Variants in MYH9 observed in about 807,000 individuals in gnomAD.
MYH9 encodes the protein myosin heavy chain 9, also known as myosin-9.
Under a neutral mutation model 241.9 loss-of-function variants are expected in MYH9, and 29 were observed. The observed-to-expected ratio is 0.12, with a 90% CI of 0.09 to 0.16. The LOEUF is 0.16. MYH9 is among the 10% of genes least tolerant of loss of function. The probability of loss-of-function intolerance (pLI) is 1.00; values close to 1 mark genes in which losing one functional copy is unlikely to be tolerated. For synonymous variants in MYH9, 1,047 were observed against 1,062.6 expected (o/e 0.99, Z 0.29); for missense variants, 1,803 against 2,595.5 (o/e 0.69, Z 6.63).
At chr22:36,375,801 T>C (rs2018157255) in intron 1 of MYH9, among the ~76,000 whole-genome samples, 1 of 152,094 alleles carries the variant, frequency 6.6e-6, no homozygotes. Context: ...GGTGGGAGGA[T>C]CACCTGAGGC....
intron 1 of MYH9, among the ~76,000 whole-genome samples, chr22:36,353,895 G>C (rs1185717012): frequency 6.6e-6 from 1 of 151,940 alleles, no homozygotes; most frequent in Non-Finnish European, 1.5e-5. Flanking sequence ...TGTAGGGCTA[G>C]GATTTGCTTG....
intron 3 of MYH9, among the ~76,000 whole-genome samples, chr22:36,332,549 T>C (rs1040354690): frequency 2.7e-5 from 4 of 150,038 alleles, no homozygotes; most frequent in African/African-American, 7.4e-5. Context: ...CTCTGCCCCA[T>C]AGCCCCTGTG....
intron 4 of MYH9, 116 bp downstream of exon 4, chr22:36,327,345 C>A: frequency 8.4e-7 from 1 of 1,189,168 alleles, no homozygotes; most frequent in Non-Finnish European, 1.2e-6. Context: ...GGAGGAGGGG[C>A]CTTGAATTGG....
At position 36,312,506 on chromosome 22, in the gene MYH9, G is replaced by A. The variant is rs147365408; in HGVS notation, c.1555-284C>T. 3.3e-3 allele frequency among the ~76,000 whole-genome samples: 506 copies of A among 152,328 alleles called. 1 individual carries two copies. Among genetic ancestry groups the A allele is most frequent in the African/African-American group, 0.011 (476 of 41,576 alleles). On this transcript the variant is annotated intron_variant, in intron 13 of 40. Coordinates refer to ENST00000216181, the MANE Select transcript of MYH9 (RefSeq NM_002473.6). ...GAAAAGTGCACATCCGCTGACCCGC[G>A]GGGCCAGAGTCTGACTTCACAGTGC...
In MYH9 at chr22:36,312,505, C is replaced by T. The variant is rs547028028; in HGVS notation, c.1555-283G>A. ...TGAAAAGTGCACATCCGCTGACCCGCGGGGCCAGAGTCTGACTTCACAGTG... is the reference window on the plus strand; with the variant it reads ...TGAAAAGTGCACATCCGCTGACCCGTGGGGCCAGAGTCTGACTTCACAGTG... On this transcript the variant is annotated intron_variant, in intron 13 of 40. Coordinates refer to ENST00000216181, the MANE Select transcript of MYH9 (RefSeq NM_002473.6). Among the ~76,000 whole-genome samples, 137 of 152,348 alleles carry T rather than the reference C, an allele frequency of 9.0e-4. 2 individuals carry two copies. The South Asian group carries it at 0.025, about 27-fold the overall frequency.
intron 3 of MYH9, chr22:36,328,927 G>A (rs1471385952): frequency 7.9e-5 from 12 of 152,372 alleles, no homozygotes; most frequent in Non-Finnish European, 1.5e-5. Context: ...CGACCAGCTA[G>A]GCTGCCTGCC....
At chr22:36,365,341 C>A (rs2017995072) in intron 1 of MYH9, among the ~76,000 whole-genome samples, 1 of 152,238 alleles carries the variant, frequency 6.6e-6, no homozygotes, top group Admixed American at 6.5e-5. Context: ...CCCTTTACAG[C>A]CCTGGCTGAA....
intron 13 of MYH9, among the ~76,000 whole-genome samples, chr22:36,312,814 A>G (rs1448152609): frequency 6.6e-6 from 1 of 152,212 alleles, no homozygotes; most frequent in Non-Finnish European, 1.5e-5. Flanking sequence ...GCTCATTACA[A>G]AAGTAAATTT....
At chr22:36,350,674 T>C (rs772574787) in intron 1 of MYH9, among the ~76,000 whole-genome samples, 5 of 152,280 alleles carry the variant, frequency 3.3e-5, no homozygotes, top group Admixed American at 6.5e-5. Context: ...TATATATTAT[T>C]ACCACCAATT....
At position 36,291,166 on chromosome 22, in the gene MYH9, C is replaced by T. The variant is rs1338335471; in HGVS notation, c.4344+820G>A. On this transcript the variant is annotated intron_variant, in intron 31 of 40. Coordinates refer to ENST00000216181, the MANE Select transcript of MYH9 (RefSeq NM_002473.6). ...GAGCCCCTCTGCCAGGCCACCACCCCGTCTGGGAGGTGTACCCAACAGCTC... is the reference window on the plus strand; with the variant it reads ...GAGCCCCTCTGCCAGGCCACCACCCTGTCTGGGAGGTGTACCCAACAGCTC... 3.9e-5 allele frequency among the ~76,000 whole-genome samples: 6 copies of T among 152,146 alleles called. No homozygotes were observed. In the South Asian group the frequency reaches 6.2e-4, roughly 16 times the overall value.
rs779024392 is a variant in MYH9, at chr22:36,296,998, C to G, written c.3117G>C (p.Glu1039Asp). 2.5e-6 allele frequency: 4 copies of G among 1,613,982 alleles called. No homozygotes were observed. The Admixed American group carries it at 6.7e-5, about 27-fold the overall frequency. Reference sequence around the variant, plus strand: ...TCTCCAGCTCCTGTCGCTGCTTCTCCTCCCTGCGGAGGCGCTCTGCAATGC... The same window carrying G: ...TCTCCAGCTCCTGTCGCTGCTTCTCGTCCCTGCGGAGGCGCTCTGCAATGC... Reference protein sequence around the residue: ...ITDLEERLRREEKQRQELEKT... With the variant: ...ITDLEERLRRDEKQRQELEKT... Residue 1039 changes from glutamate (E) to aspartate (D), a missense_variant, in exon 25 of 41, where the codon GAG (glutamate) becomes GAC (aspartate). Glu to Asp is a conservative substitution (Grantham distance 45). Coordinates refer to ENST00000216181, the MANE Select transcript of MYH9 (RefSeq NM_002473.6).
At position 36,305,023 on chromosome 22, in the gene MYH9, C is replaced by G. The variant is rs1031945497; in HGVS notation, c.2229+10G>C. 1.9e-6 allele frequency: 3 copies of G among 1,613,410 alleles called. No homozygotes were observed. In the African/African-American group the frequency reaches 4.0e-5, roughly 22 times the overall value. ...CCATCCAGAGAGGCAGGGACAGCAG[C>G]TCAACTCACCATGAGCACGCACGCC... On this transcript the variant is annotated intron_variant, in intron 18 of 40. Transcript: ENST00000216181. The surrounding 1 kb of genome is among the most constrained non-coding windows in gnomAD (Gnocchi z 4.7).
rs755132791 is a variant in MYH9, at chr22:36,305,288, AGGAAGCCTT to A, written c.2160-195_2160-187del. On this transcript the variant is annotated intron_variant, in intron 17 of 40. Transcript: ENST00000216181. The surrounding 1 kb of genome is among the most constrained non-coding windows in gnomAD (Gnocchi z 4.7). ...CTCTTTTCTTCGGCTGAATGAGACAAGGAAGCCTTGGTGTTTTCCGGAAAGTGAATGGAA... is the reference window on the plus strand; with the variant it reads ...CTCTTTTCTTCGGCTGAATGAGACAAGGTGTTTTCCGGAAAGTGAATGGAA... Among the ~76,000 whole-genome samples, 8 of 152,228 alleles carry A rather than the reference AGGAAGCCTT, an allele frequency of 5.3e-5. No homozygotes were observed. Among genetic ancestry groups the A allele is most frequent in the Non-Finnish European group, 1.2e-4 (8 of 68,040 alleles).
chr22:36,301,570 C>G lies in MYH9; in HGVS notation c.2595G>C (p.Glu865Asp). The G allele has an allele frequency of 6.2e-7, 1 of 1,613,968 alleles. No homozygotes were observed. The highest frequency in any genetic ancestry group is 8.5e-7 in the Non-Finnish European group (1 of 1,180,044). Residue 865 changes from glutamate (E) to aspartate (D), a missense_variant, in exon 21 of 41, where the codon GAG becomes GAC. Glu to Asp is a conservative substitution (Grantham distance 45). Transcript: ENST00000216181. Reference sequence around the variant, plus strand: ...GCGTCTCCATCTCCGTGAGCCTGTTCTCCGCAGCCAGCTGCTTCTCTCTGA... The same window carrying G: ...GCGTCTCCATCTCCGTGAGCCTGTTGTCCGCAGCCAGCTGCTTCTCTCTGA... ...VKVREKQLAA[E>D]NRLTEMETLQ... is the part of the protein sequence containing the mutation.
rs909843012 is a variant in MYH9 at position 36,306,743 on chromosome 22, T to C, written c.1844-136A>G. 8 of 930,054 alleles carry C rather than the reference T, an allele frequency of 8.6e-6. No homozygotes were observed. Among genetic ancestry groups the C allele is most frequent in the Non-Finnish European group, 1.2e-5 (7 of 596,644 alleles). 57.6% of individuals were successfully genotyped at this position (930,054 alleles called of 1,614,324 possible). On this transcript the variant is annotated intron_variant, in intron 15 of 40. Coordinates refer to ENST00000216181, the MANE Select transcript of MYH9 (RefSeq NM_002473.6). The surrounding 1 kb of genome is among the most constrained non-coding windows in gnomAD (Gnocchi z 4.1). ...AATGAAACAACAGGACCCTTTCCAA[T>C]TGGAGCCTACACTGGGTGCTAAGGT...
intron 7 of MYH9, among the ~76,000 whole-genome samples, chr22:36,321,185 T>G (rs1365686648): frequency 6.6e-6 from 1 of 152,180 alleles, no homozygotes; most frequent in Non-Finnish European, 1.5e-5. Context: ...CCTCAGGTGA[T>G]CCACCCACCT....
chr22:36,386,355 C>A (rs983384680), intron 1 of MYH9, among the ~76,000 whole-genome samples: 36 of 152,268 alleles, frequency 2.4e-4, no homozygotes, highest in African/African-American at 8.4e-4. Flanking sequence ...CCACACATAG[C>A]AGCCTTGTAT....
Position 36,322,451 on chromosome 22 carries a change from T to C in MYH9, c.683A>G (p.Lys228Arg), listed in dbSNP as rs772134801. 1 of 1,613,950 alleles carries C rather than the reference T, an allele frequency of 6.2e-7. No individual in the cohort carries two copies. The highest frequency in any genetic ancestry group is 8.5e-7 in the Non-Finnish European group (1 of 1,180,002). The change falls in exon 6 of 41, where the codon AAG (lysine) becomes AGG (arginine). Residue 228 changes from lysine to arginine, a missense_variant. Lys to Arg is a conservative substitution (Grantham distance 26, BLOSUM62 2). Transcript: ENST00000216181. The part of the protein sequence containing the change: ...LEAFGNAKTV[K>R]NDNSSRFGKF... ...CACGAAGCGGGAGGAGTTGTCATTCTTCACGGTCTTGGCGTTCCCGAAGGC... is the reference window on the plus strand; with the variant it reads ...CACGAAGCGGGAGGAGTTGTCATTCCTCACGGTCTTGGCGTTCCCGAAGGC...
chr22:36,354,956 A>AACACACACACACACACACACACAC lies in MYH9; in HGVS notation c.-19-5725_-19-5702dup, dbSNP rs136203. 1.9e-3 allele frequency among the ~76,000 whole-genome samples: 240 copies of AACACACACACACACACACACACAC among 123,700 alleles called. 3 individuals carry two copies. Among genetic ancestry groups the AACACACACACACACACACACACAC allele is most frequent in the Non-Finnish European group, 2.4e-3 (144 of 59,882 alleles). 81.2% of individuals were successfully genotyped at this position (123,700 alleles called of 152,430 possible). On this transcript the variant is annotated intron_variant, in intron 1 of 40. Transcript: ENST00000216181. ...AAAAAAACAAAAAAACAAAAAACAA[A>AACACACACACACACACACACACAC]ACACACACACACACACACACACACA...
Sources: allele counts gnomAD v4.1 joint callset (sites outside exome capture counted in the v4.1 genomes callset), GRCh38; gene constraint gnomAD v4.1.1; non-coding constraint Gnocchi (gnomAD v3.1); transcripts MANE v1.5; gene names NCBI Gene and HGNC (gene_info 2026-07-23, HGNC 2026-07-21).